HDAC9: variants seen among roughly 807,000 people sequenced by gnomAD.
HDAC9 encodes the protein MEF-2 interacting transcription repressor (MITR) protein.
In HDAC9, 41 loss-of-function variants were observed where a neutral mutation model predicts 139.4. The ratio of observed to expected loss-of-function variants is 0.29; its 90% CI spans 0.23 to 0.38. The LOEUF (loss-of-function observed/expected upper bound fraction) is 0.38. HDAC9 is among the 10% of genes least tolerant of loss of function. The probability of loss-of-function intolerance (pLI) is 1.00; values close to 1 mark genes in which losing one functional copy is unlikely to be tolerated. For missense variants in HDAC9, 1,147 were observed against 1,297.0 expected (o/e 0.88, Z 1.78); for synonymous variants, 517 against 476.2 (o/e 1.09, Z -1.12).
intron 2 of HDAC9, among the ~76,000 whole-genome samples, chr7:18,497,748 AT>A (rs1231702651): frequency 6.6e-6 from 1 of 152,138 alleles, no homozygotes; most frequent in Admixed American, 6.6e-5. Context: ...GAAAATAACT[AT>A]TTTAGAAATC....
chr7:18,212,998 T>C (rs1792055707), intron 2 of HDAC9, among the ~76,000 whole-genome samples: 1 of 152,214 alleles, frequency 6.6e-6, no homozygotes, highest in Admixed American at 6.5e-5. Context: ...GCTTTTGCCC[T>C]TTTTGCTTTA....
intron 2 of HDAC9, among the ~76,000 whole-genome samples, chr7:18,523,652 T>G (rs1260400484): frequency 1.3e-5 from 2 of 152,196 alleles, no homozygotes; most frequent in African/African-American, 4.8e-5. Flanking sequence ...AGACTGATAA[T>G]AAATTATAAA....
chr7:18,417,262 C>G (rs1378672685), intron 1 of HDAC9, among the ~76,000 whole-genome samples: 1 of 152,010 alleles, frequency 6.6e-6, no homozygotes, highest in East Asian at 1.9e-4. Context: ...AGTTTTCACT[C>G]TAGAAGTTCA....
At chr7:18,389,526 G>A (rs1315414191) in intron 1 of HDAC9, among the ~76,000 whole-genome samples, 5 of 152,128 alleles carry the variant, frequency 3.3e-5, no homozygotes, top group African/African-American at 7.2e-5. Context: ...ATCTGAAATG[G>A]CACTTGTTAC....
intron 6 of HDAC9, among the ~76,000 whole-genome samples, chr7:18,617,285 G>A (rs1838894478): frequency 6.6e-6 from 1 of 151,984 alleles, no homozygotes; most frequent in African/African-American, 2.4e-5. Flanking sequence ...TTATGTACAA[G>A]GCTAAAGCTC....
At chr7:18,770,619 G>T (rs1790206741) in intron 16 of HDAC9, among the ~76,000 whole-genome samples, 1 of 152,102 alleles carries the variant, frequency 6.6e-6, no homozygotes, top group Non-Finnish European at 1.5e-5. Context: ...AAACGCTTCT[G>T]CGGCTTTTGA....
intron 22 of HDAC9, among the ~76,000 whole-genome samples, chr7:18,903,493 C>T (rs1801919838): frequency 6.6e-6 from 1 of 152,214 alleles, no homozygotes; most frequent in African/African-American, 2.4e-5. Flanking sequence ...GGAATTTCCT[C>T]TCTTCCACAT....
intron 1 of HDAC9, among the ~76,000 whole-genome samples, chr7:18,143,805 AAG>A (rs1554308807): frequency 6.6e-6 from 1 of 151,714 alleles, no homozygotes; most frequent in East Asian, 1.9e-4. Flanking sequence ...AAAAAAAAAA[AAG>A]AGTGTCTCTT....
At chr7:18,889,988 C>T (rs958264100) in intron 22 of HDAC9, among the ~76,000 whole-genome samples, 4 of 152,228 alleles carry the variant, frequency 2.6e-5, no homozygotes, top group African/African-American at 9.6e-5. Flanking sequence ...GCGTGAGCCA[C>T]CGCCACTGGC....
intron 21 of HDAC9, among the ~76,000 whole-genome samples, chr7:18,871,464 C>G (rs1028272982): frequency 3.9e-5 from 6 of 152,152 alleles, no homozygotes; most frequent in Admixed American, 1.3e-4. Flanking sequence ...GAAATATATA[C>G]TAACCCATGG....
At chr7:18,191,684 A>C (rs1252631491) in intron 2 of HDAC9, among the ~76,000 whole-genome samples, 1 of 152,256 alleles carries the variant, frequency 6.6e-6, no homozygotes, top group Admixed American at 6.5e-5. Flanking sequence ...CTTTGATTAC[A>C]AGATGACAAT....
chr7:18,477,927 A>G (rs1352671831), intron 1 of HDAC9, among the ~76,000 whole-genome samples: 2 of 152,140 alleles, frequency 1.3e-5, no homozygotes, highest in African/African-American at 4.8e-5. Flanking sequence ...TTTGCCTACC[A>G]CAACTATACC....
Position 18,959,042 on chromosome 7 carries a change from T to C in HDAC9, c.3022+4812T>C, listed in dbSNP as rs369629292. Among the ~76,000 whole-genome samples the C allele has an allele frequency of 1.2e-4, 18 of 152,288 alleles. No homozygotes were observed. The South Asian group carries it at 1.4e-3, about 12-fold the overall frequency. On this transcript the variant is annotated intron_variant, in intron 24 of 25. Transcript: ENST00000686413. ...GTGAGATAAATAACTCTCATATGGA[T>C]GTTTCCTTTCCTGAAACCCACCCTA...
intron 17 of HDAC9, among the ~76,000 whole-genome samples, chr7:18,803,019 T>C (rs1004848146): frequency 2.0e-5 from 3 of 151,954 alleles, no homozygotes; most frequent in Admixed American, 6.6e-5. Flanking sequence ...TCATCTTATT[T>C]TGTTTTTTCT....
At chr7:18,892,887 T>A (rs2301950) in intron 22 of HDAC9, among the ~76,000 whole-genome samples, 38,397 of 151,724 alleles carry the variant, frequency 0.25, 4,846 homozygotes, top group South Asian at 0.34. Flanking sequence ...TATTCTAGCA[T>A]TAATTAATAC....
chr7:18,337,821 G>T lies in HDAC9; in HGVS notation c.-42+47306G>T, dbSNP rs75953082. Among the ~76,000 whole-genome samples, 986 of 151,900 alleles carry T rather than the reference G, an allele frequency of 6.5e-3. 13 individuals are homozygous for T. Among genetic ancestry groups the T allele is most frequent in the African/African-American group, 0.023 (951 of 41,508 alleles). ...AGCTATCTTTCTGAAAATTGAAGGAGATGGGTAAATAACATCTATTTTTGT... is the reference window on the plus strand; with the variant it reads ...AGCTATCTTTCTGAAAATTGAAGGATATGGGTAAATAACATCTATTTTTGT... On this transcript the variant is annotated intron_variant, in intron 1 of 3. Coordinates refer to the HDAC9 transcript ENST00000413509.
At chr7:18,529,719 T>G (rs1039687622) in intron 2 of HDAC9, among the ~76,000 whole-genome samples, 6 of 152,218 alleles carry the variant, frequency 3.9e-5, no homozygotes, top group Admixed American at 1.3e-4. Context: ...GAAAATGCAT[T>G]CATACATTGT....
At chr7:18,929,538 C>T (rs563133577) in intron 22 of HDAC9, among the ~76,000 whole-genome samples, 20 of 152,210 alleles carry the variant, frequency 1.3e-4, no homozygotes, top group African/African-American at 3.9e-4. Context: ...TTAAAACAAC[C>T]AGGCTACATG....
At chr7:18,333,858 T>C (rs922990772) in intron 1 of HDAC9, among the ~76,000 whole-genome samples, 1 of 151,244 alleles carries the variant, frequency 6.6e-6, no homozygotes, top group Non-Finnish European at 1.5e-5. Context: ...ATGACAAATG[T>C]CTGAAAATAT....
Sources: allele counts gnomAD v4.1 joint callset (sites outside exome capture counted in the v4.1 genomes callset), GRCh38; gene constraint gnomAD v4.1.1; transcripts MANE v1.5; gene names NCBI Gene and HGNC (gene_info 2026-07-23, HGNC 2026-07-21).